Variants in TMEM117 observed in about 807,000 individuals in gnomAD.
TMEM117 encodes transmembrane protein 117.
In TMEM117, 27 loss-of-function variants were observed where a neutral mutation model predicts 52.4. The observed-to-expected ratio is 0.51, with a 90% CI of 0.38 to 0.71. The LOEUF is 0.71. Among genes scored for constraint, TMEM117 ranks in the 30% least tolerant of loss-of-function variants. The pLI is 0.00. For synonymous variants in TMEM117, 215 were observed against 206.3 expected (o/e 1.04, Z -0.36); for missense variants, 556 against 630.5 (o/e 0.88, Z 1.26).
chr12:43,800,462 A>G, the TMEM117 span: 36,517 of 1,613,336 alleles, frequency 0.023, 692 homozygotes, highest in South Asian at 0.068. Flanking sequence ...CTTCATCTTT[A>G]ATGTGGCCAC....
chr12:44,319,634 C>T (rs79833478), intron 6 of TMEM117, among the ~76,000 whole-genome samples: 7,309 of 152,164 alleles, frequency 0.048, 362 homozygotes, highest in African/African-American at 0.12. Flanking sequence ...GCTTCTAATC[C>T]GCTGTCTTGG....
chr12:43,809,537 A>AAC, the TMEM117 span, among the ~76,000 whole-genome samples: 1 of 152,250 alleles, frequency 6.6e-6, no homozygotes, highest in African/African-American at 2.4e-5. Context: ...AATTAAGTCT[A>AAC]ACACAATACA....
At chr12:44,142,154 A>G (rs1441567737) in intron 3 of TMEM117, among the ~76,000 whole-genome samples, 1 of 152,150 alleles carries the variant, frequency 6.6e-6, no homozygotes, top group African/African-American at 2.4e-5. Flanking sequence ...AGGAATAATA[A>G]TACATTTCAT....
At chr12:44,009,554 G>A (rs920706682) in intron 3 of TMEM117, 4 of 230,248 alleles carry the variant, frequency 1.7e-5, no homozygotes, top group Admixed American at 8.8e-5. Context: ...TTCATATACA[G>A]GCTGGGTTTC....
At chr12:43,965,788 G>A (rs2137675317) in intron 3 of TMEM117, among the ~76,000 whole-genome samples, 2 of 152,174 alleles carry the variant, frequency 1.3e-5, no homozygotes, top group African/African-American at 2.4e-5. Flanking sequence ...GGGTACATGT[G>A]CGGGTTTGTT....
chr12:43,849,373 T>G (rs1943266462), intron 2 of TMEM117, among the ~76,000 whole-genome samples: 3 of 152,202 alleles, frequency 2.0e-5, no homozygotes, highest in Admixed American at 1.3e-4. Flanking sequence ...CTGTCTATAT[T>G]GAAGATTGAT....
At chr12:44,059,757 A>AATGAG (rs1425971875) in intron 3 of TMEM117, among the ~76,000 whole-genome samples, 16 of 152,318 alleles carry the variant, frequency 1.1e-4, no homozygotes, top group African/African-American at 3.8e-4. Context: ...GAAAAAGCAG[A>AATGAG]ATAAATTGCC....
At chr12:44,311,879 A>G (rs959317133) in intron 6 of TMEM117, among the ~76,000 whole-genome samples, 5 of 123,710 alleles carry the variant, frequency 4.0e-5, no homozygotes, top group African/African-American at 7.9e-5. Flanking sequence ...ATATATATGT[A>G]TATATGTATA....
chr12:44,055,132 A>G (rs1592478185), intron 3 of TMEM117, among the ~76,000 whole-genome samples: 2 of 151,686 alleles, frequency 1.3e-5, no homozygotes, highest in African/African-American at 4.9e-5. Flanking sequence ...TAAGAAAAGT[A>G]TAAAAGTTCT....
intron 2 of TMEM117, among the ~76,000 whole-genome samples, chr12:43,939,378 A>G (rs1222109675): frequency 6.6e-6 from 1 of 152,010 alleles, no homozygotes; most frequent in Non-Finnish European, 1.5e-5. Flanking sequence ...GTCCTTTTAT[A>G]TTTCCTAGTC....
the TMEM117 span, chr12:43,805,854 G>GCCCC: frequency 7.1e-7 from 1 of 1,414,102 alleles, no homozygotes; most frequent in African/African-American, 1.4e-5. Context: ...GCGTACTGAA[G>GCCCC]CCCCAGTCGC....
chr12:43,843,871 A>T (rs988103262), intron 1 of TMEM117, among the ~76,000 whole-genome samples: 2 of 152,230 alleles, frequency 1.3e-5, no homozygotes, highest in Non-Finnish European at 2.9e-5. Flanking sequence ...ATAAAAGTTT[A>T]TTCACCTGTA....
intron 3 of TMEM117, among the ~76,000 whole-genome samples, chr12:44,061,949 G>T (rs976774955): frequency 2.0e-5 from 3 of 152,082 alleles, no homozygotes; most frequent in African/African-American, 7.2e-5. Context: ...GAAGGTTGGG[G>T]AAAATGGAAG....
intron 2 of TMEM117, among the ~76,000 whole-genome samples, chr12:43,859,934 T>C (rs1185491008): frequency 6.6e-6 from 1 of 152,184 alleles, no homozygotes; most frequent in African/African-American, 2.4e-5. Context: ...GTGGTTCTGG[T>C]GGTTATTTGT....
chr12:44,063,573 TC>T (rs1400822018), intron 3 of TMEM117, among the ~76,000 whole-genome samples: 2 of 151,942 alleles, frequency 1.3e-5, no homozygotes, highest in Admixed American at 6.6e-5. Context: ...ACCCATTAAC[TC>T]GTCATTTACA....
intron 5 of TMEM117, among the ~76,000 whole-genome samples, chr12:44,233,760 A>G (rs1243082365): frequency 6.6e-6 from 1 of 151,380 alleles, no homozygotes; most frequent in Non-Finnish European, 1.5e-5. Context: ...TTATCACATT[A>G]GTGTCTTTGT....
At chr12:44,342,640 C>CAAAAAAAAAAAAAAAAAAACAAAAAAAAA (rs1205448518) in intron 6 of TMEM117, among the ~76,000 whole-genome samples, 1 of 84,576 alleles carries the variant, frequency 1.2e-5, no homozygotes. Flanking sequence ...GCTGATTAGT[C>CAAAAAAAAAAAAAAAAAAACAAAAAAAAA]AAAAAAAAAA....
chr12:44,299,600 C>T lies in TMEM117; in HGVS notation c.629C>T (p.Thr210Met), dbSNP rs763428874. The T allele has an allele frequency of 9.9e-6, 16 of 1,614,146 alleles. No individual in the cohort carries two copies. Among genetic ancestry groups the T allele is most frequent in the East Asian group, 2.2e-5 (1 of 44,886 alleles). ...TACAGGACAGTTCTTTTTACTCTGA[C>T]GTCTGTGGTTGTACTTGTGATTACA... ...TLFWTVLFTL[T>M]SVVVLVITTD... The change falls in exon 6 of 8, where the codon ACG becomes ATG. Residue 210 changes from threonine (T) to methionine (M), a missense_variant. Thr to Met is a moderately conservative substitution (Grantham distance 81). This residue lies in a region of TMEM117 where 328 missense variants were observed against 371.4 expected (regional missense o/e 0.88). Transcript: ENST00000266534.
chr12:44,293,145 A>G (rs560387805), intron 5 of TMEM117, among the ~76,000 whole-genome samples: 102 of 151,890 alleles, frequency 6.7e-4, no homozygotes, highest in African/African-American at 2.4e-3. Flanking sequence ...CATTCTCTTT[A>G]TATATTGACA....
Sources: allele counts gnomAD v4.1 joint callset (sites outside exome capture counted in the v4.1 genomes callset), GRCh38; gene constraint gnomAD v4.1.1; regional missense constraint gnomAD v4.1.1; transcripts MANE v1.5; gene names NCBI Gene and HGNC (gene_info 2026-07-23, HGNC 2026-07-21).